ATG2B: variants seen among roughly 807,000 people sequenced by gnomAD.
ATG2B encodes autophagy related 2B.
Under a neutral mutation model 241.3 loss-of-function variants are expected in ATG2B, and 121 were observed. The observed-to-expected ratio is 0.50, with a 90% confidence interval of 0.43 to 0.58. ATG2B has a LOEUF of 0.58. Ranked by LOEUF, ATG2B falls within the 20% of genes least tolerant of loss-of-function variation. The pLI is 0.00. For missense variants in ATG2B, 2,306 were observed against 2,491.6 expected, an observed-to-expected ratio of 0.93 and a Z score of 1.59; for synonymous variants, 858 against 876.6, an observed-to-expected ratio of 0.98 and a Z score of 0.37.
In ATG2B at chr14:96,290,220, T is replaced by G. The variant is rs377350777; in HGVS notation, c.5856+216A>C. ...CTTAATGTTTACAATTTACCTGAAA[T>G]AGGCAAACAAATCTGACACTGTATT... On this transcript the variant is annotated intron_variant, in intron 40 of 41. Coordinates refer to ENST00000359933, the MANE Select transcript of ATG2B (RefSeq NM_018036.7). The surrounding 1 kb of genome is among the most constrained non-coding windows in gnomAD (Gnocchi z 4.4). 16 of 1,295,694 alleles carry G rather than the reference T, an allele frequency of 1.2e-5. No homozygotes were observed. The East Asian group carries it at 2.9e-4, about 24-fold the overall frequency. The allele number at this position is 1,295,694 out of a possible 1,614,324, so 80.3% of individuals were successfully genotyped here.
chr14:96,329,753 T>C (rs1273536229), intron 11 of ATG2B, 119 bp from the exon 12 acceptor site: 10 of 580,250 alleles, frequency 1.7e-5, no homozygotes, highest in Non-Finnish European at 2.6e-5. Flanking sequence ...ACCAGAAAGA[T>C]TGCTTCAAAT....
Position 96,305,640 on chromosome 14 carries a change from C to T in ATG2B, c.4682G>A (p.Gly1561Glu). The change falls in exon 31 of 42, where the codon GGA becomes GAA. Residue 1561 changes from glycine to glutamate, a missense_variant. By Grantham distance (98) the Gly-to-Glu change is moderately conservative. Around this residue, in one of 2 missense-constraint regions of ATG2B, gnomAD observed 1,927 missense variants for 2,011.2 expected, o/e 0.96. Transcript: ENST00000359933. ...KEVSLVWHLY[G>E]GKDFGIVPPT... ...AGGGACTATTCCAAAATCCTTTCCTCCATAAAGATGCCAGACAAGAGAGAC... is the reference window on the plus strand; with the variant it reads ...AGGGACTATTCCAAAATCCTTTCCTTCATAAAGATGCCAGACAAGAGAGAC... 3 of 1,614,152 alleles carry T rather than the reference C, an allele frequency of 1.9e-6. No homozygotes were observed. The highest frequency in any genetic ancestry group is 2.5e-6 in the Non-Finnish European group (3 of 1,179,986).
At chr14:96,344,906 AGTTTT>A in intron 3 of ATG2B, 150 bp from the exon 4 acceptor site, 1 of 505,332 alleles carries the variant, frequency 2.0e-6, no homozygotes, top group Admixed American at 3.8e-5. Context: ...TTAAATCCTG[AGTTTT>A]GTAATAAATA....
chr14:96,362,711 A>T lies in ATG2B; in HGVS notation c.162+104T>A, dbSNP rs1888695451. 7 of 1,210,354 alleles carry T rather than the reference A, an allele frequency of 5.8e-6. No homozygotes were observed. The Admixed American group carries it at 9.3e-5, about 16-fold the overall frequency. The allele number at this position is 1,210,354 out of a possible 1,614,324, so 75.0% of individuals were successfully genotyped here. A position where few individuals can be genotyped will look rare whatever the true frequency, so the allele number is the denominator to read the frequency against. On this transcript the variant is annotated intron_variant, in intron 1 of 41. Transcript: ENST00000359933. The stretch of plus-strand genomic sequence containing the variant: ...GCCGTGTCACACTCGGGTCCAAACA[A>T]TTCCCAAGGAGGGACTGACTGTCAC...
intron 34 of ATG2B, among the ~76,000 whole-genome samples, chr14:96,298,990 A>G (rs926699590): frequency 6.6e-6 from 1 of 152,182 alleles, no homozygotes; most frequent in African/African-American, 2.4e-5. Flanking sequence ...AGATCCTATG[A>G]TAAAGGATAT....
In ATG2B at chr14:96,305,655, A is replaced by G. The variant is rs1407331443; in HGVS notation, c.4667T>C (p.Val1556Ala). The change falls in exon 31 of 42, where the codon GTC (valine) becomes GCC (alanine). Residue 1556 changes from valine to alanine, a missense_variant. Physicochemically the swap from Val to Ala is moderately conservative, Grantham distance 64. Around this residue, in one of 2 missense-constraint regions of ATG2B, gnomAD observed 1,927 missense variants for 2,011.2 expected, o/e 0.96. Coordinates refer to ENST00000359933, the MANE Select transcript of ATG2B (RefSeq NM_018036.7). ...ATCCTTTCCTCCATAAAGATGCCAG[A>G]CAAGAGAGACCTCCTTCACCACATA... is the stretch of plus-strand genomic sequence containing the variant. ...IRYVVKEVSL[V>A]WHLYGGKDFG... 6.2e-7 allele frequency: 1 copy of G among 1,614,180 alleles called. No homozygotes were observed. Among genetic ancestry groups the G allele is most frequent in the African/African-American group, 1.3e-5 (1 of 75,064 alleles).
intron 3 of ATG2B, 41 bp downstream of exon 3, chr14:96,345,192 A>T (rs1338325769): frequency 6.4e-7 from 1 of 1,559,128 alleles, no homozygotes; most frequent in Non-Finnish European, 8.7e-7. Flanking sequence ...AAAACTACTA[A>T]ATCAAATCTA....
At chr14:96,339,866 AAC>A (rs1282081777) in intron 6 of ATG2B, among the ~76,000 whole-genome samples, 2 of 151,742 alleles carry the variant, frequency 1.3e-5, no homozygotes, top group African/African-American at 4.8e-5. Context: ...GTATCCCAAA[AAC>A]AACTGAAATT....
At chr14:96,340,572 G>C (rs974100211) in intron 6 of ATG2B, among the ~76,000 whole-genome samples, 1 of 151,908 alleles carries the variant, frequency 6.6e-6, no homozygotes, top group Non-Finnish European at 1.5e-5. Context: ...GGGAAATGAA[G>C]GGAAAAAGAA....
At chr14:96,347,053 G>A (rs1310531052) in intron 2 of ATG2B, 126 bp downstream of exon 2, 6 of 753,456 alleles carry the variant, frequency 8.0e-6, no homozygotes, top group Non-Finnish European at 1.2e-5. Flanking sequence ...GAGCCAAGTC[G>A]TAATGTATTA....
In ATG2B at chr14:96,313,077, G is replaced by T; in HGVS notation, c.3830C>A (p.Ser1277Tyr). The change falls in exon 25 of 42, where the codon TCC (serine) becomes TAC (tyrosine). Residue 1277 changes from serine (S) to tyrosine (Y), a missense_variant. Ser to Tyr is a moderately radical substitution (Grantham distance 144, BLOSUM62 -2). Transcript: ENST00000359933. ...TTTACACAGGTACCTGAGAGTAGAGGAAGATTTATCCAATGCAACGCTACT... is the reference window on the plus strand; with the variant it reads ...TTTACACAGGTACCTGAGAGTAGAGTAAGATTTATCCAATGCAACGCTACT... Reference protein sequence around the residue: ...VSSSVALDKSSSTLRIILDEA... With the variant: ...VSSSVALDKSYSTLRIILDEA... The T allele has an allele frequency of 6.2e-7, 1 of 1,608,390 alleles. No individual in the cohort carries two copies. Among genetic ancestry groups the T allele is most frequent in the Non-Finnish European group, 8.5e-7 (1 of 1,175,088 alleles).
At chr14:96,359,259 C>A (rs1304222007) in intron 1 of ATG2B, among the ~76,000 whole-genome samples, 1 of 151,992 alleles carries the variant, frequency 6.6e-6, no homozygotes, top group Non-Finnish European at 1.5e-5. Flanking sequence ...GTAGTCCCAG[C>A]TACTGCAGGG....
chr14:96,358,801 C>G (rs905085546), intron 1 of ATG2B, among the ~76,000 whole-genome samples: 1 of 151,766 alleles, frequency 6.6e-6, no homozygotes, highest in Non-Finnish European at 1.5e-5. Flanking sequence ...GAGAAAATAA[C>G]TCTTAAACTA....
At chr14:96,293,190 GCCATC>G in intron 36 of ATG2B, 1 of 152,074 alleles carries the variant, frequency 6.6e-6, no homozygotes, top group Non-Finnish European at 1.5e-5. Flanking sequence ...TACATCCTAA[GCCATC>G]TCACCAAAGT....
chr14:96,291,793 AC>A, intron 37 of ATG2B, 111 bp from the exon 38 acceptor site: 1 of 747,332 alleles, frequency 1.3e-6, no homozygotes. Flanking sequence ...ATACTAAAAC[AC>A]TTAAAATATT....
chr14:96,344,214 G>A (rs900905560), intron 4 of ATG2B, among the ~76,000 whole-genome samples: 1 of 152,156 alleles, frequency 6.6e-6, no homozygotes, highest in Non-Finnish European at 1.5e-5. Flanking sequence ...ATCCGTAGAG[G>A]ATCCTCAAAA....
intron 18 of ATG2B, among the ~76,000 whole-genome samples, chr14:96,320,779 C>A (rs948359297): frequency 1.3e-5 from 2 of 152,120 alleles, no homozygotes; most frequent in Non-Finnish European, 2.9e-5. Flanking sequence ...AGAGTCATTT[C>A]ATTTCCCTCA....
chr14:96,298,820 G>T (rs1315317728), intron 34 of ATG2B, among the ~76,000 whole-genome samples: 1 of 152,154 alleles, frequency 6.6e-6, no homozygotes. Context: ...TATCTCAACT[G>T]GGGTAGTAGC....
At chr14:96,335,906 T>C (rs1215758808) in intron 6 of ATG2B, among the ~76,000 whole-genome samples, 1 of 152,226 alleles carries the variant, frequency 6.6e-6, no homozygotes, top group Non-Finnish European at 1.5e-5. Flanking sequence ...TATTTCATTA[T>C]TTGTACATTC....
Sources: gnomAD v4.1 joint callset for allele counts (sites outside exome capture counted in the v4.1 genomes callset) on GRCh38, gnomAD v4.1.1 for gene constraint, gnomAD v4.1.1 regional missense constraint, Gnocchi (gnomAD v3.1) non-coding constraint, MANE v1.5 for transcripts, NCBI Gene and HGNC (gene_info 2026-07-23, HGNC 2026-07-21) for gene names.